NUDCD3: variants seen among roughly 807,000 people sequenced by gnomAD.
The protein encoded by NUDCD3 is nudC domain-containing protein 3.
In NUDCD3, 13 loss-of-function variants were observed where a neutral mutation model predicts 39.7. The ratio of observed to expected loss-of-function variants is 0.33; its 90% CI spans 0.21 to 0.52. NUDCD3 has a LOEUF of 0.52. Among genes scored for constraint, NUDCD3 ranks in the 20% least tolerant of loss-of-function variants. NUDCD3 has a pLI of 0.96. For synonymous variants in NUDCD3, 175 were observed against 172.4 expected (o/e 1.02, Z -0.12); for missense variants, 453 against 458.1 (o/e 0.99, Z 0.10).
At chr7:44,450,852 A>T (rs1359619962) in intron 2 of NUDCD3, among the ~76,000 whole-genome samples, 2 of 152,190 alleles carry the variant, frequency 1.3e-5, no homozygotes, top group Non-Finnish European at 2.9e-5. Context: ...ACAAATGGTC[A>T]TATTTGTTGA....
intron 2 of NUDCD3, among the ~76,000 whole-genome samples, chr7:44,466,214 C>T (rs1312084659): frequency 6.6e-6 from 1 of 152,116 alleles, no homozygotes; most frequent in African/African-American, 2.4e-5. Context: ...TTGAAGAATC[C>T]TCATCCCATC....
chr7:44,436,144 A>G (rs968877014), intron 2 of NUDCD3, among the ~76,000 whole-genome samples: 1 of 152,236 alleles, frequency 6.6e-6, no homozygotes, highest in East Asian at 1.9e-4. Flanking sequence ...GAAAATGTGA[A>G]TATAGACTGG....
intron 2 of NUDCD3, among the ~76,000 whole-genome samples, chr7:44,456,885 A>G (rs1799914176): frequency 6.6e-6 from 1 of 152,208 alleles, no homozygotes. Flanking sequence ...ATAAAGATAG[A>G]AAAAAAGCAT....
chr7:44,415,761 C>T (rs1327134926), intron 3 of NUDCD3, among the ~76,000 whole-genome samples: 1 of 152,188 alleles, frequency 6.6e-6, no homozygotes, highest in East Asian at 1.9e-4. Context: ...CACTGGGCTG[C>T]CTAAGCAAAG....
intron 2 of NUDCD3, among the ~76,000 whole-genome samples, chr7:44,482,684 C>T (rs766744651): frequency 1.3e-5 from 2 of 152,180 alleles, no homozygotes; most frequent in Non-Finnish European, 2.9e-5. Context: ...AGAGACTCGA[C>T]AGCATAACAT....
intron 3 of NUDCD3, among the ~76,000 whole-genome samples, chr7:44,406,726 G>A (rs773458705): frequency 3.9e-5 from 6 of 152,188 alleles, no homozygotes; most frequent in Non-Finnish European, 7.3e-5. Flanking sequence ...CTGACCTCTT[G>A]TGAACTGCAG....
At chr7:44,434,001 A>C (rs868295129) in intron 2 of NUDCD3, among the ~76,000 whole-genome samples, 12 of 152,196 alleles carry the variant, frequency 7.9e-5, no homozygotes, top group Admixed American at 3.3e-4. Flanking sequence ...TGATGGAAAT[A>C]CGGTGAATTT....
intron 2 of NUDCD3, among the ~76,000 whole-genome samples, chr7:44,432,108 C>A (rs1362899623): frequency 6.6e-6 from 1 of 152,136 alleles, no homozygotes; most frequent in Non-Finnish European, 1.5e-5. Flanking sequence ...CGTAGGAAGA[C>A]CCATCTCTAC....
rs562120458 is a variant in NUDCD3 at position 44,466,701 on chromosome 7, A to C, written c.509+18267T>G. On this transcript the variant is annotated intron_variant, in intron 2 of 5. Coordinates refer to ENST00000355451, the MANE Select transcript of NUDCD3 (RefSeq NM_015332.4). The stretch of plus-strand genomic sequence containing the variant: ...GCTTTTCACTAGGGACACTTGGATA[A>C]TGCTAAGTGTTTTCTAGGTCACAGC... 3.3e-5 allele frequency among the ~76,000 whole-genome samples: 5 copies of C among 152,330 alleles called. No homozygotes were observed. In the East Asian group the frequency reaches 7.7e-4, roughly 23 times the overall value.
chr7:44,484,862 C>T lies in NUDCD3; in HGVS notation c.509+106G>A, dbSNP rs1261238372. The T allele has an allele frequency of 1.7e-5, 14 of 847,236 alleles. 1 individual carries two copies. Among genetic ancestry groups the T allele is most frequent in the Admixed American group, 1.1e-4 (4 of 35,828 alleles). The allele number at this position is 847,236 out of a possible 1,614,324, so 52.5% of individuals were successfully genotyped here. On this transcript the variant is annotated intron_variant, in intron 2 of 5. Coordinates refer to ENST00000355451, the MANE Select transcript of NUDCD3 (RefSeq NM_015332.4). ...ACAAACATGAAGAGCTAAATAAATA[C>T]TGAGATCAAGAATTAATGTGTTACA...
At chr7:44,409,224 A>G (rs1798879388) in intron 3 of NUDCD3, among the ~76,000 whole-genome samples, 1 of 152,220 alleles carries the variant, frequency 6.6e-6, no homozygotes, top group South Asian at 2.1e-4. Flanking sequence ...TTGACTCAAC[A>G]TCAGCAGGAA....
At position 44,379,702 on chromosome 7, in the gene NUDCD3, T is replaced by C. The variant is rs1308415769; in HGVS notation, c.*6309A>G. 6.6e-6 allele frequency: 1 copy of C among 152,190 alleles called. No individual in the cohort carries two copies. Among genetic ancestry groups the C allele is most frequent in the Non-Finnish European group, 1.5e-5 (1 of 68,070 alleles). 9.4% of individuals were successfully genotyped at this position (152,190 alleles called of 1,614,324 possible). On this transcript the variant is annotated 3_prime_UTR_variant, in exon 6 of 6. Coordinates refer to ENST00000355451, the MANE Select transcript of NUDCD3 (RefSeq NM_015332.4). ...CCATCACATGGCTGACCACCTCTGG[T>C]GAGAACACTGGAGAATAGTTTAGGG...
chr7:44,419,231 G>A (rs1799090072), intron 3 of NUDCD3, among the ~76,000 whole-genome samples: 1 of 152,132 alleles, frequency 6.6e-6, no homozygotes, highest in Non-Finnish European at 1.5e-5. Context: ...CTCGGACTGG[G>A]TGGAACTCAA....
At chr7:44,458,595 T>A (rs562752943) in intron 2 of NUDCD3, among the ~76,000 whole-genome samples, 2 of 151,270 alleles carry the variant, frequency 1.3e-5, no homozygotes, top group Non-Finnish European at 2.9e-5. Flanking sequence ...GAGGCGGAGG[T>A]TGCAGTGAGC....
chr7:44,433,976 AAGATTTC>A (rs1799418637), intron 2 of NUDCD3, among the ~76,000 whole-genome samples: 1 of 151,966 alleles, frequency 6.6e-6, no homozygotes, highest in South Asian at 2.1e-4. Context: ...ATCTCAACTC[AAGATTTC>A]TTCCACCTGA....
chr7:44,379,377 G>A lies in NUDCD3; in HGVS notation c.*6634C>T, dbSNP rs761506564. On this transcript the variant is annotated 3_prime_UTR_variant, in exon 6 of 6. Transcript: ENST00000355451. ...ACAGAGATGAGGCAGTTGGCGGGGC[G>A]GGGCGGGGTGGGGGGGAACAGGGGA... 15 of 151,642 alleles carry A rather than the reference G, an allele frequency of 9.9e-5. No individual in the cohort carries two copies. The highest frequency in any genetic ancestry group is 2.1e-4 in the Non-Finnish European group (14 of 67,932). 9.4% of individuals were successfully genotyped at this position (151,642 alleles called of 1,614,324 possible).
chr7:44,486,920 G>A (rs1313375472), intron 1 of NUDCD3, among the ~76,000 whole-genome samples: 1 of 152,130 alleles, frequency 6.6e-6, no homozygotes, highest in East Asian at 1.9e-4. Context: ...AGAACATAGG[G>A]CTGGAAGAGA....
chr7:44,490,054 G>A (rs1363794768), intron 1 of NUDCD3: 1 of 201,212 alleles, frequency 5.0e-6, no homozygotes, highest in Non-Finnish European at 1.0e-5. Context: ...GTAGTTCTGG[G>A]GCATGCACGT....
At chr7:44,434,563 C>A (rs886637658) in intron 2 of NUDCD3, among the ~76,000 whole-genome samples, 1 of 152,176 alleles carries the variant, frequency 6.6e-6, no homozygotes, top group Non-Finnish European at 1.5e-5. Flanking sequence ...GTGACCCCCC[C>A]GCCCCGCAAT....
Sources: allele counts gnomAD v4.1 joint callset (sites outside exome capture counted in the v4.1 genomes callset), GRCh38; gene constraint gnomAD v4.1.1; transcripts MANE v1.5; gene names NCBI Gene and HGNC (gene_info 2026-07-23, HGNC 2026-07-21).